TENM4: variants seen among roughly 807,000 people sequenced by gnomAD.
The protein encoded by TENM4 is teneurin transmembrane protein 4, also known as teneurin-4.
TENM4 carries 82 observed loss-of-function variants against 243.3 expected under a neutral mutation model. That is an observed-to-expected ratio of 0.34 (90% CI 0.28 to 0.40). The LOEUF (loss-of-function observed/expected upper bound fraction) is 0.40, where lower values mean the gene tolerates loss of function less well. TENM4 is among the 10% of genes least tolerant of loss of function. TENM4 has a pLI of 1.00. For synonymous variants in TENM4, 1,412 were observed against 1,456.3 expected, an observed-to-expected ratio of 0.97 and a Z score of 0.69; for missense variants, 3,138 against 3,673.3, an observed-to-expected ratio of 0.85 and a Z score of 3.77.
chr11:79,099,118 T>C (rs745644405), intron 4 of TENM4, among the ~76,000 whole-genome samples: 1 of 152,182 alleles, frequency 6.6e-6, no homozygotes, highest in African/African-American at 2.4e-5. Flanking sequence ...CACAAGGACC[T>C]CTGAGCCTTC....
chr11:78,835,840 T>C (rs867094723), intron 12 of TENM4, among the ~76,000 whole-genome samples: 21 of 152,354 alleles, frequency 1.4e-4, no homozygotes, highest in African/African-American at 4.1e-4. Flanking sequence ...TACTGATCAA[T>C]GTCTTTCCGG....
chr11:79,433,866 A>ATT (rs1485385027), intron 1 of TENM4, among the ~76,000 whole-genome samples: 3 of 152,130 alleles, frequency 2.0e-5, no homozygotes, highest in Non-Finnish European at 2.9e-5. Flanking sequence ...CAGCATCTAA[A>ATT]CCGTTGTCTG....
intron 4 of TENM4, among the ~76,000 whole-genome samples, chr11:79,138,210 T>C (rs1441520940): frequency 6.7e-6 from 1 of 148,850 alleles, no homozygotes; most frequent in East Asian, 2.0e-4. Context: ...TCCAAATTCT[T>C]CAGTTTTGGA....
chr11:78,752,396 C>T (rs1461568994), intron 19 of TENM4, among the ~76,000 whole-genome samples: 1 of 152,150 alleles, frequency 6.6e-6, no homozygotes, highest in Non-Finnish European at 1.5e-5. Flanking sequence ...CTCCTCTGGT[C>T]CCAGCAGCTG....
intron 1 of TENM4, among the ~76,000 whole-genome samples, chr11:79,432,962 G>A (rs57049467): frequency 3.1e-4 from 47 of 152,264 alleles, no homozygotes; most frequent in African/African-American, 1.0e-3. Context: ...TGTTCGTTTT[G>A]TTCTTGCCTC....
At chr11:78,807,840 CT>C (rs1857422354) in intron 14 of TENM4, among the ~76,000 whole-genome samples, 1 of 152,166 alleles carries the variant, frequency 6.6e-6, no homozygotes, top group African/African-American at 2.4e-5. Context: ...ACAAAATGTA[CT>C]GGTTCTAGGT....
chr11:79,182,015 C>A (rs945337385), intron 3 of TENM4, among the ~76,000 whole-genome samples: 5 of 151,258 alleles, frequency 3.3e-5, no homozygotes, highest in Admixed American at 6.6e-5. Context: ...GATGTCAGTT[C>A]TTCCCAAATT....
At chr11:79,050,641 A>G (rs1284789598) in intron 6 of TENM4, among the ~76,000 whole-genome samples, 3 of 152,112 alleles carry the variant, frequency 2.0e-5, no homozygotes, top group Admixed American at 6.5e-5. Flanking sequence ...CCATACACTT[A>G]TTTCCTTTTT....
chr11:79,114,489 G>GT (rs1290671686), intron 4 of TENM4, among the ~76,000 whole-genome samples: 2 of 152,184 alleles, frequency 1.3e-5, no homozygotes, highest in South Asian at 4.1e-4. Flanking sequence ...TCCTTCTGTA[G>GT]TTTTTTATTT....
intron 21 of TENM4, among the ~76,000 whole-genome samples, chr11:78,730,879 T>A (rs1019075061): frequency 5.9e-5 from 9 of 152,156 alleles, no homozygotes; most frequent in Admixed American, 5.9e-4. Flanking sequence ...AAACTACAGC[T>A]TATAAGTTTG....
intron 4 of TENM4, among the ~76,000 whole-genome samples, chr11:79,136,166 G>A (rs1030593866): frequency 2.0e-5 from 3 of 152,020 alleles, no homozygotes; most frequent in Non-Finnish European, 2.9e-5. Context: ...AATACTAGCT[G>A]TACCCCAATA....
chr11:79,219,474 T>C (rs1864117197), intron 2 of TENM4, among the ~76,000 whole-genome samples: 2 of 152,214 alleles, frequency 1.3e-5, no homozygotes, highest in South Asian at 4.1e-4. Flanking sequence ...GAGCTCCTAA[T>C]TGTGTGCCAG....
chr11:78,805,723 G>C (rs540270444), intron 14 of TENM4, among the ~76,000 whole-genome samples: 2 of 152,264 alleles, frequency 1.3e-5, no homozygotes, highest in South Asian at 4.1e-4. Context: ...AGTAAGAAAT[G>C]TGTCTCAAGC....
chr11:79,076,781 G>A (rs1195717418), intron 4 of TENM4, among the ~76,000 whole-genome samples: 1 of 152,114 alleles, frequency 6.6e-6, no homozygotes, highest in Non-Finnish European at 1.5e-5. Flanking sequence ...GGCTAGTAAT[G>A]GTAAGATAAC....
At chr11:78,746,636 G>T (rs1037407950) in intron 19 of TENM4, among the ~76,000 whole-genome samples, 1 of 152,254 alleles carries the variant, frequency 6.6e-6, no homozygotes, top group Non-Finnish European at 1.5e-5. Context: ...TGGTGAGGGA[G>T]AAGCAGGACT....
At chr11:78,830,239 C>T (rs1331646243) in intron 12 of TENM4, among the ~76,000 whole-genome samples, 1 of 152,210 alleles carries the variant, frequency 6.6e-6, no homozygotes, top group Non-Finnish European at 1.5e-5. Flanking sequence ...TGGCCAATGT[C>T]TGGCTTCTTT....
chr11:79,131,241 G>A (rs1310055904), intron 4 of TENM4, among the ~76,000 whole-genome samples: 1 of 152,164 alleles, frequency 6.6e-6, no homozygotes, highest in African/African-American at 2.4e-5. Flanking sequence ...GTTATCCAAA[G>A]TTAAGACGAA....
chr11:78,706,874 G>A (rs1409815305), intron 27 of TENM4, among the ~76,000 whole-genome samples: 1 of 152,140 alleles, frequency 6.6e-6, no homozygotes, highest in African/African-American at 2.4e-5. Context: ...GACTGGAGAG[G>A]GAAACTCACT....
At chr11:79,082,629 C>T (rs978521368) in intron 4 of TENM4, among the ~76,000 whole-genome samples, 1 of 152,202 alleles carries the variant, frequency 6.6e-6, no homozygotes, top group African/African-American at 2.4e-5. Flanking sequence ...AATGCTCCAT[C>T]TAGGGCTCCA....
Sources: allele counts gnomAD v4.1 joint callset (sites outside exome capture counted in the v4.1 genomes callset), GRCh38; gene constraint gnomAD v4.1.1; transcripts MANE v1.5; gene names NCBI Gene and HGNC (gene_info 2026-07-23, HGNC 2026-07-21).